DNASE1: variants seen among roughly 807,000 people sequenced by gnomAD.
DNASE1 encodes deoxyribonuclease 1, also known as deoxyribonuclease-1.
DNASE1 carries 40 observed loss-of-function variants against 33.9 expected under a neutral mutation model. The observed-to-expected ratio is 1.18, with a 90% CI of 0.92 to 1.54. The LOEUF is 1.54. Ranked by LOEUF, DNASE1 falls within the 40% of genes most tolerant of loss-of-function variation. The probability of loss-of-function intolerance (pLI) is 0.00; values close to 1 mark genes in which losing one functional copy is unlikely to be tolerated. For missense variants in DNASE1, 518 were observed against 372.6 expected (o/e 1.39, Z -3.21); for synonymous variants, 216 against 160.0 (o/e 1.35, Z -2.64).
At chr16:3,612,549 CT>C (rs35085629) in intron 1 of DNASE1, among the ~76,000 whole-genome samples, 206 of 62,962 alleles carry the variant, frequency 3.3e-3, no homozygotes, top group African/African-American at 6.5e-3. Context: ...CCGCTCACGG[CT>C]TTTTTTTTTT....
chr16:3,616,972 C>G (rs2041125151), intron 1 of DNASE1, among the ~76,000 whole-genome samples: 1 of 152,116 alleles, frequency 6.6e-6, no homozygotes, highest in African/African-American at 2.4e-5. Context: ...ACCCTTACCT[C>G]ATATCATGTA....
At position 3,613,930 on chromosome 16, in the gene DNASE1, T is replaced by A. The variant is rs552479228; in HGVS notation, c.-1359+1924T>A. On this transcript the variant is annotated intron_variant and NMD_transcript_variant, in intron 1 of 11. Transcript: ENST00000570769. ...CTAATTTTTTTTTTTTTTTTTTTTT[T>A]TGGACAAAATCTCGCTCTGTTGCCC... Among the ~76,000 whole-genome samples, 588 of 143,970 alleles carry A rather than the reference T, an allele frequency of 4.1e-3. 1 individual carries two copies. Among genetic ancestry groups the A allele is most frequent in the South Asian group, 0.017 (77 of 4,430 alleles). 94.4% of individuals were successfully genotyped at this position (143,970 alleles called of 152,430 possible).
At chr16:3,661,105 A>G (rs1232561246), downstream of DNASE1, 1 of 152,196 alleles carries the variant, frequency 6.6e-6, no homozygotes, top group Admixed American at 6.5e-5. Flanking sequence ...TTCATATACA[A>G]GTTAGAAAAT....
chr16:3,629,627 T>G (rs57777296), intron 1 of DNASE1, among the ~76,000 whole-genome samples: 3,484 of 152,262 alleles, frequency 0.023, 127 homozygotes, highest in African/African-American at 0.08. Flanking sequence ...TCTCCACTTT[T>G]TTGGAAAAGT....
chr16:3,646,075 G>A (rs1049653625), intron 1 of DNASE1, among the ~76,000 whole-genome samples: 8 of 152,122 alleles, frequency 5.3e-5, no homozygotes, highest in African/African-American at 1.9e-4. Context: ...CCAGCCGAGG[G>A]CAGATAGGTC....
chr16:3,642,643 T>A (rs191015537), upstream of DNASE1, among the ~76,000 whole-genome samples: 56 of 151,912 alleles, frequency 3.7e-4, no homozygotes, highest in African/African-American at 1.3e-3. Flanking sequence ...ACAGTGTGAG[T>A]GAGATGTGAT....
chr16:3,633,848 G>A (rs144471560), intron 1 of DNASE1, among the ~76,000 whole-genome samples: 228 of 151,380 alleles, frequency 1.5e-3, no homozygotes, highest in African/African-American at 5.3e-3. Flanking sequence ...TCGCTCTGTC[G>A]CCCAGGCTGA....
chr16:3,661,994 T>G, downstream of DNASE1: 1 of 1,606,690 alleles, frequency 6.2e-7, no homozygotes, highest in Non-Finnish European at 8.5e-7. Context: ...CACCTGGGGT[T>G]GATCTCCAGC....
At chr16:3,633,613 G>GA (rs760178210) in intron 1 of DNASE1, among the ~76,000 whole-genome samples, 8,519 of 88,118 alleles carry the variant, frequency 0.097, 263 homozygotes, top group Admixed American at 0.12. Flanking sequence ...CATCTCAAGA[G>GA]AAAAAAAAAA....
chr16:3,643,053 G>T (rs553721482), intron 1 of DNASE1: 106 of 152,560 alleles, frequency 6.9e-4, no homozygotes, highest in African/African-American at 2.5e-3. Flanking sequence ...CCCACTTCCT[G>T]CTCCCGCACA....
At chr16:3,638,821 G>T (rs867537429), upstream of DNASE1, among the ~76,000 whole-genome samples, 1 of 152,180 alleles carries the variant, frequency 6.6e-6, no homozygotes, top group Non-Finnish European at 1.5e-5. Context: ...CCTTATTTGA[G>T]TAGTTTCAAT....
At chr16:3,619,633 T>C (rs532425864) in intron 1 of DNASE1, among the ~76,000 whole-genome samples, 1 of 152,064 alleles carries the variant, frequency 6.6e-6, no homozygotes, top group Non-Finnish European at 1.5e-5. Context: ...AGTGCTGGGA[T>C]TACAGGCATG....
At chr16:3,644,866 C>T (rs762136047) in intron 1 of DNASE1, among the ~76,000 whole-genome samples, 1 of 152,058 alleles carries the variant, frequency 6.6e-6, no homozygotes, top group African/African-American at 2.4e-5. Context: ...TGGTGGCTCA[C>T]GCCTGTAATC....
chr16:3,662,653 T>A (rs894537174), downstream of DNASE1: 5 of 682,460 alleles, frequency 7.3e-6, no homozygotes, highest in African/African-American at 8.8e-5. Flanking sequence ...CAGTTCTCAG[T>A]TCACACCTGC....
chr16:3,655,373 G>C lies in DNASE1; in HGVS notation c.-1G>C, dbSNP rs374609613. ...GTCTCTGTGCCCTGTGCTCTCCCAG[G>C]ATGAGGGGCATGAAGCTGCTGGGGG... is the stretch of plus-strand genomic sequence containing the variant. On this transcript the variant is annotated splice_region_variant and 5_prime_UTR_variant, in exon 2 of 9. Transcript: ENST00000246949. The C allele has an allele frequency of 1.9e-5, 31 of 1,614,022 alleles. No homozygotes were observed. The African/African-American group carries it at 3.9e-4, about 20-fold the overall frequency.
chr16:3,619,950 C>T (rs189185316), intron 1 of DNASE1, among the ~76,000 whole-genome samples: 18 of 144,220 alleles, frequency 1.2e-4, no homozygotes, highest in African/African-American at 4.6e-4. Context: ...GAGTCTTGCT[C>T]TGTCACCTAG....
chr16:3,663,612 C>G (rs1182547543), exon 10 of DNASE1: 2 of 1,608,330 alleles, frequency 1.2e-6, no homozygotes, highest in East Asian at 4.5e-5. Flanking sequence ...CCTCCAGCCA[C>G]CACAGAAGAA....
At chr16:3,654,303 G>A (rs921310213), upstream of DNASE1, 3 of 398,288 alleles carry the variant, frequency 7.5e-6, no homozygotes, top group African/African-American at 6.2e-5. Flanking sequence ...GGCCCCACCT[G>A]TCCTGGCCCC....
chr16:3,649,630 C>T (rs761316729), intron 1 of DNASE1, among the ~76,000 whole-genome samples: 8 of 152,218 alleles, frequency 5.3e-5, no homozygotes, highest in African/African-American at 1.7e-4. Context: ...AGAAGCTTCA[C>T]ACTTTCTCAG....
Sources: allele counts gnomAD v4.1 joint callset (sites outside exome capture counted in the v4.1 genomes callset), GRCh38; gene constraint gnomAD v4.1.1; transcripts MANE v1.5; gene names NCBI Gene and HGNC (gene_info 2026-07-23, HGNC 2026-07-21).